SETD3: variants seen among roughly 807,000 people sequenced by gnomAD.
SETD3 encodes the protein actin-histidine N-methyltransferase.
Under a neutral mutation model 63.0 loss-of-function variants are expected in SETD3, and 19 were observed. The ratio of observed to expected loss-of-function variants is 0.30; its 90% CI spans 0.21 to 0.44. SETD3 has a LOEUF of 0.44. Ranked by LOEUF, SETD3 falls within the 20% of genes least tolerant of loss-of-function variation. The probability of loss-of-function intolerance (pLI) is 1.00; values close to 1 mark genes in which losing one functional copy is unlikely to be tolerated. For missense variants in SETD3, 587 were observed against 728.5 expected, an observed-to-expected ratio of 0.81 and a Z score of 2.24; for synonymous variants, 286 against 264.1, an observed-to-expected ratio of 1.08 and a Z score of -0.80.
chr14:99,441,286 G>A (rs1232129047), intron 6 of SETD3, among the ~76,000 whole-genome samples: 1 of 152,196 alleles, frequency 6.6e-6, no homozygotes, highest in Non-Finnish European at 1.5e-5. Flanking sequence ...AGGTGCTTCT[G>A]TGTGCACAGA....
upstream of SETD3, among the ~76,000 whole-genome samples, chr14:99,485,675 C>G (rs1237805127): frequency 1.3e-5 from 2 of 152,128 alleles, no homozygotes; most frequent in Non-Finnish European, 2.9e-5. Flanking sequence ...CTGTTACTCT[C>G]TTTGAGAACA....
upstream of SETD3, among the ~76,000 whole-genome samples, chr14:99,481,939 C>T (rs908532155): frequency 6.6e-6 from 1 of 152,192 alleles, no homozygotes; most frequent in Non-Finnish European, 1.5e-5. Context: ...TGGAGAGCCA[C>T]GTAACGAGGG....
At chr14:99,446,081 G>T (rs1415825328) in intron 6 of SETD3, among the ~76,000 whole-genome samples, 1 of 152,208 alleles carries the variant, frequency 6.6e-6, no homozygotes, top group Non-Finnish European at 1.5e-5. Context: ...ACAGGTCTCA[G>T]CTTCCGCCTT....
intron 1 of SETD3, among the ~76,000 whole-genome samples, chr14:99,473,388 T>C (rs1394454823): frequency 6.6e-6 from 1 of 152,228 alleles, no homozygotes. Flanking sequence ...TGTAATTCAC[T>C]TGCATTTTTT....
chr14:99,450,199 CA>C (rs1311741114), intron 6 of SETD3, among the ~76,000 whole-genome samples: 2 of 152,228 alleles, frequency 1.3e-5, no homozygotes, highest in African/African-American at 2.4e-5. Flanking sequence ...CCGTGAATTT[CA>C]GGGCCTTGGG....
intron 6 of SETD3, among the ~76,000 whole-genome samples, chr14:99,442,626 C>T (rs765252214): frequency 6.6e-6 from 1 of 152,192 alleles, no homozygotes; most frequent in East Asian, 1.9e-4. Flanking sequence ...TGTATTTTCT[C>T]TTCCTTATGA....
intron 12 of SETD3, 149 bp from the exon 13 acceptor site, chr14:99,399,274 CCAGA>C: frequency 1.6e-6 from 1 of 624,958 alleles, no homozygotes; most frequent in Middle Eastern, 2.9e-4. Context: ...GGTCGCATGA[CCAGA>C]CACTCACATC....
At chr14:99,452,622 T>C (rs1894522587) in intron 6 of SETD3, among the ~76,000 whole-genome samples, 1 of 152,238 alleles carries the variant, frequency 6.6e-6, no homozygotes, top group Admixed American at 6.5e-5. Flanking sequence ...GATGTATAAA[T>C]ACCAGAAGTC....
At chr14:99,446,496 C>T (rs7154466) in intron 6 of SETD3, among the ~76,000 whole-genome samples, 2 of 152,132 alleles carry the variant, frequency 1.3e-5, no homozygotes, top group South Asian at 2.1e-4. Flanking sequence ...AGGATGCCAG[C>T]CCCAAGTTAT....
In SETD3 at chr14:99,413,010, A is replaced by G; in HGVS notation, c.790T>C (p.Ser264Pro). Residue 264 changes from serine to proline, a missense_variant, in exon 8 of 13, where the codon TCC becomes CCC. Transcript: ENST00000331768. ...GGAATCAGAGCCAGGGTCACGCGGG[A>G]ACCATCCTCTGTGGGAATTTGGTTT... ...RQNQIPTEDG[S>P]RVTLALIPLW... 3 of 1,614,144 alleles carry G rather than the reference A, an allele frequency of 1.9e-6. No individual in the cohort carries two copies. Among genetic ancestry groups the G allele is most frequent in the Non-Finnish European group, 2.5e-6 (3 of 1,179,986 alleles).
At chr14:99,456,322 T>A (rs1894757914) in intron 6 of SETD3, among the ~76,000 whole-genome samples, 1 of 152,212 alleles carries the variant, frequency 6.6e-6, no homozygotes. Flanking sequence ...AAAAATATAA[T>A]CAACTGTGCA....
At chr14:99,413,318 C>A in intron 7 of SETD3, 1 of 448,796 alleles carries the variant, frequency 2.2e-6, no homozygotes, top group Non-Finnish European at 4.0e-6. Flanking sequence ...CGGCTTTGCG[C>A]AGGGCTCAGG....
chr14:99,422,477 T>G (rs1330685381), intron 6 of SETD3, among the ~76,000 whole-genome samples: 2 of 152,188 alleles, frequency 1.3e-5, no homozygotes, highest in African/African-American at 2.4e-5. Flanking sequence ...CTTTTAAGCC[T>G]AAAGGAAGTT....
At chr14:99,453,712 G>A (rs1351983891) in intron 6 of SETD3, among the ~76,000 whole-genome samples, 1 of 151,942 alleles carries the variant, frequency 6.6e-6, no homozygotes, top group African/African-American at 2.4e-5. Context: ...TGTTATCCCA[G>A]CTACTCAGGA....
At chr14:99,411,254 C>T (rs900651692) in intron 8 of SETD3, 6 of 151,994 alleles carry the variant, frequency 3.9e-5, no homozygotes, top group African/African-American at 1.2e-4. Context: ...AGTATGTAGT[C>T]GTATTAGGGA....
chr14:99,458,671 C>G, intron 5 of SETD3, 136 bp from the exon 6 acceptor site: 1 of 1,094,026 alleles, frequency 9.1e-7, no homozygotes. Flanking sequence ...GGCGCAGTGG[C>G]TCACACCTGT....
At chr14:99,425,257 A>G (rs1220393655) in intron 6 of SETD3, among the ~76,000 whole-genome samples, 1 of 152,224 alleles carries the variant, frequency 6.6e-6, no homozygotes, top group Admixed American at 6.5e-5. Context: ...CTATCTTGCC[A>G]AAGTCAGAGG....
rs549229908 is a variant in SETD3 at position 99,467,499 on chromosome 14, A to G, written c.-8-1686T>C. Among the ~76,000 whole-genome samples, 11 of 152,328 alleles carry G rather than the reference A, an allele frequency of 7.2e-5. No homozygotes were observed. In the East Asian group the frequency reaches 2.1e-3, roughly 29 times the overall value. On this transcript the variant is annotated intron_variant, in intron 1 of 12. Transcript: ENST00000331768. ...CATTTCAGGCTTCCCATATCTGCGG[A>G]GGGCATCTCTGGAGGACCATCGAAC...
chr14:99,421,674 GA>G (rs1488864726), intron 6 of SETD3, among the ~76,000 whole-genome samples: 2 of 152,090 alleles, frequency 1.3e-5, no homozygotes, highest in Non-Finnish European at 2.9e-5. Context: ...ACTCTATCGA[GA>G]ACTCTATGTG....
Sources: gnomAD v4.1 joint callset for allele counts (sites outside exome capture counted in the v4.1 genomes callset) on GRCh38, gnomAD v4.1.1 for gene constraint, MANE v1.5 for transcripts, NCBI Gene and HGNC (gene_info 2026-07-23, HGNC 2026-07-21) for gene names.